Variants in WNT7A observed in about 807,000 individuals in gnomAD.
WNT7A encodes protein Wnt-7a.
Under a neutral mutation model 28.2 loss-of-function variants are expected in WNT7A, and 16 were observed. The observed-to-expected ratio is 0.57, with a 90% CI of 0.38 to 0.86. The LOEUF (loss-of-function observed/expected upper bound fraction) is 0.86, where lower values mean the gene tolerates loss of function less well. WNT7A is among the 40% of genes least tolerant of loss of function. The pLI is 0.00. For synonymous variants in WNT7A, 190 were observed against 195.9 expected, an observed-to-expected ratio of 0.97 and a Z score of 0.25; for missense variants, 411 against 489.7, an observed-to-expected ratio of 0.84 and a Z score of 1.52.
intron 3 of WNT7A, 81 bp from the exon 4 acceptor site, chr3:13,819,504 C>T: frequency 6.8e-7 from 1 of 1,474,052 alleles, no homozygotes; most frequent in Non-Finnish European, 9.0e-7. Flanking sequence ...CCCCCCGCCC[C>T]CCACCCCTGC....
chr3:13,878,612 G>A (rs1481293716), intron 1 of WNT7A, among the ~76,000 whole-genome samples: 1 of 152,158 alleles, frequency 6.6e-6, no homozygotes, highest in Non-Finnish European at 1.5e-5. Flanking sequence ...CCAGAGACGT[G>A]GACTGGGGAA....
In WNT7A at chr3:13,880,045, C is replaced by T; in HGVS notation, c.-229G>A. On this transcript the variant is annotated 5_prime_UTR_variant, in exon 1 of 4. Coordinates refer to ENST00000285018, the MANE Select transcript of WNT7A (RefSeq NM_004625.4). ...GAGCGCGGCGTGGGGCGACGCCGGG[C>T]TGCGCGCGAGCGACCGGTGCAAGTG... is the stretch of plus-strand genomic sequence containing the variant. 1 of 352,518 alleles carries T rather than the reference C, an allele frequency of 2.8e-6. No homozygotes were observed. The highest frequency in any genetic ancestry group is 5.1e-6 in the Non-Finnish European group (1 of 197,098). The allele number at this position is 352,518 out of a possible 1,614,324, so 21.8% of individuals were successfully genotyped here.
chr3:13,850,954 A>T (rs1459509310), intron 3 of WNT7A, among the ~76,000 whole-genome samples: 1 of 151,646 alleles, frequency 6.6e-6, no homozygotes, highest in Non-Finnish European at 1.5e-5. Flanking sequence ...CCCAGTACCC[A>T]TTTGCCCAGG....
chr3:13,865,497 G>A (rs903564238), intron 2 of WNT7A, among the ~76,000 whole-genome samples: 2 of 152,160 alleles, frequency 1.3e-5, no homozygotes, highest in Non-Finnish European at 2.9e-5. Context: ...ACATTAAAAA[G>A]ATCTTGATGA....
At chr3:13,854,375 T>C (rs1276616372) in intron 3 of WNT7A, among the ~76,000 whole-genome samples, 157 bp downstream of exon 3, 1 of 152,028 alleles carries the variant, frequency 6.6e-6, no homozygotes, top group Middle Eastern at 3.2e-3. Flanking sequence ...CATACACAAA[T>C]CCTGACCAGC....
At chr3:13,858,717 G>A (rs1694785901) in intron 2 of WNT7A, among the ~76,000 whole-genome samples, 1 of 152,154 alleles carries the variant, frequency 6.6e-6, no homozygotes. Context: ...AGACACCGAT[G>A]AGGGCCAGTC....
intron 3 of WNT7A, among the ~76,000 whole-genome samples, chr3:13,833,781 C>A (rs1188462129): frequency 6.6e-6 from 1 of 152,246 alleles, no homozygotes; most frequent in African/African-American, 2.4e-5. Flanking sequence ...AGCCACTGAA[C>A]CTATGTGCTT....
In WNT7A at chr3:13,817,980, C is replaced by T. The variant is rs1694035692; in HGVS notation, c.*964G>A. ...TTGTGCCCACTTGGCAAACAGAACT[C>T]AAGAATCCAGCTGTGCAAGGGGCCC... On this transcript the variant is annotated 3_prime_UTR_variant, in exon 4 of 4. Transcript: ENST00000285018. 6.6e-6 allele frequency: 1 copy of T among 152,164 alleles called. No individual in the cohort carries two copies. Among genetic ancestry groups the T allele is most frequent in the Non-Finnish European group, 1.5e-5 (1 of 68,042 alleles). The allele number at this position is 152,164 out of a possible 1,614,324, so 9.4% of individuals were successfully genotyped here.
At chr3:13,861,537 G>C (rs1694831475) in intron 2 of WNT7A, among the ~76,000 whole-genome samples, 1 of 152,236 alleles carries the variant, frequency 6.6e-6, no homozygotes, top group African/African-American at 2.4e-5. Context: ...GTGACACAGG[G>C]CAGTGATGGG....
intron 3 of WNT7A, among the ~76,000 whole-genome samples, chr3:13,827,911 C>T (rs143681574): frequency 1.7e-3 from 266 of 152,286 alleles, no homozygotes; most frequent in African/African-American, 5.9e-3. Flanking sequence ...CATTCATCTC[C>T]GCAGGCCCAG....
chr3:13,861,981 C>G (rs1004056915), intron 2 of WNT7A, among the ~76,000 whole-genome samples: 7 of 152,186 alleles, frequency 4.6e-5, no homozygotes, highest in Non-Finnish European at 1.0e-4. Flanking sequence ...CTGTGATATC[C>G]CAGGTGACTT....
At chr3:13,851,089 A>C (rs1694630083) in intron 3 of WNT7A, among the ~76,000 whole-genome samples, 1 of 152,024 alleles carries the variant, frequency 6.6e-6, no homozygotes, top group African/African-American at 2.4e-5. Context: ...TCTCCTACCT[A>C]TTAGGCTTCC....
chr3:13,836,200 TAAAAAAA>T (rs200750554), intron 3 of WNT7A, among the ~76,000 whole-genome samples: 1 of 134,928 alleles, frequency 7.4e-6, no homozygotes, highest in Non-Finnish European at 1.6e-5. Flanking sequence ...AGCTGGTTTT[TAAAAAAA>T]AAAAAAAAAA....
chr3:13,843,841 GGTT>G (rs1694498962), intron 3 of WNT7A, among the ~76,000 whole-genome samples: 2 of 151,876 alleles, frequency 1.3e-5, no homozygotes, highest in Non-Finnish European at 2.9e-5. Flanking sequence ...CTGCCTCCTG[GGTT>G]CAATTGATTC....
chr3:13,863,422 GTGTGTGTGTGTATGTGTATA>G (rs1441746171), intron 2 of WNT7A, among the ~76,000 whole-genome samples: 1 of 151,586 alleles, frequency 6.6e-6, no homozygotes, highest in East Asian at 1.9e-4. Context: ...ATGTGTATAT[GTGTGTGTGTGTATGTGTATA>G]TGTGTGTGTG....
At position 13,854,623 on chromosome 3, in the gene WNT7A, A is replaced by T; in HGVS notation, c.479T>A (p.Ile160Asn). 1 of 1,614,150 alleles carries T rather than the reference A, an allele frequency of 6.2e-7. No individual in the cohort carries two copies. The highest frequency in any genetic ancestry group is 8.5e-7 in the Non-Finnish European group (1 of 1,180,038). ...GGCSADIRYG[I>N]GFAKVFVDAR... ...ATCCACAAAGACCTTGGCGAAGCCG[A>T]TGCCGTAGCGGATGTCGGCAGAGCA... is the stretch of plus-strand genomic sequence containing the variant. The change falls in exon 3 of 4, where the codon ATC (isoleucine) becomes AAC (asparagine). Residue 160 changes from isoleucine (I) to asparagine (N), a missense_variant. By Grantham distance (149) the Ile-to-Asn change is moderately radical. Coordinates refer to ENST00000285018, the MANE Select transcript of WNT7A (RefSeq NM_004625.4).
At position 13,825,603 on chromosome 3, in the gene WNT7A, C is replaced by T. The variant is rs60074680; in HGVS notation, c.571-6180G>A. On this transcript the variant is annotated intron_variant, in intron 3 of 3. Transcript: ENST00000285018. ...AATATTTAGTAGCGGGTCTTCCAGC[C>T]CATAGGAGTGGGTTCCAACACACCA... Among the ~76,000 whole-genome samples the T allele has an allele frequency of 2.0e-3, 310 of 152,314 alleles. 1 individual carries two copies. The highest frequency in any genetic ancestry group is 7.0e-3 in the African/African-American group (289 of 41,566).
chr3:13,829,603 CTGCTATG>C (rs1454267663), intron 3 of WNT7A, among the ~76,000 whole-genome samples: 2 of 152,156 alleles, frequency 1.3e-5, no homozygotes, highest in African/African-American at 4.8e-5. Flanking sequence ...TGTCTGTACA[CTGCTATG>C]TGCCTGCAGG....
At position 13,819,166 on chromosome 3, in the gene WNT7A, G is replaced by T. The variant is rs1468183968; in HGVS notation, c.828C>A (p.Asn276Lys). ...TDLVYIEKSPNYCEEDPVTGS... is the reference protein window; with the variant it reads ...TDLVYIEKSPKYCEEDPVTGS... ...CGGTCACCGGGTCCTCCTCGCAGTA[G>T]TTGGGCGACTTCTCGATGTACACCA... The change falls in exon 4 of 4, where the codon AAC becomes AAA. Residue 276 changes from asparagine to lysine, a missense_variant. Asn to Lys is a moderately conservative substitution (Grantham distance 94, BLOSUM62 0). Transcript: ENST00000285018. The T allele has an allele frequency of 6.2e-7, 1 of 1,614,120 alleles. No homozygotes were observed. Among genetic ancestry groups the T allele is most frequent in the Non-Finnish European group, 8.5e-7 (1 of 1,180,054 alleles).
Sources: allele counts gnomAD v4.1 joint callset (sites outside exome capture counted in the v4.1 genomes callset), GRCh38; gene constraint gnomAD v4.1.1; transcripts MANE v1.5; gene names NCBI Gene and HGNC (gene_info 2026-07-23, HGNC 2026-07-21).